The following PATZ1 variants were observed in gnomAD, a reference collection of about 807,000 sequenced individuals.
The protein encoded by PATZ1 is POZ-, AT hook-, and zinc finger-containing protein 1.
A neutral mutation model predicts 46.2 loss-of-function variants in PATZ1; 9 were observed. The ratio of observed to expected loss-of-function variants is 0.19; its 90% CI spans 0.12 to 0.34. The LOEUF (loss-of-function observed/expected upper bound fraction) is 0.34, where lower values mean the gene tolerates loss of function less well. Among genes scored for constraint, PATZ1 ranks in the 10% least tolerant of loss-of-function variants. The probability of loss-of-function intolerance (pLI) is 1.00; values close to 1 mark genes in which losing one functional copy is unlikely to be tolerated. For synonymous variants in PATZ1, 426 were observed against 378.6 expected (o/e 1.13, Z -1.45); for missense variants, 632 against 923.0 (o/e 0.68, Z 4.08).
rs1421320510 is a variant in PATZ1, at chr22:31,326,364, T to A, written c.*527A>T. 2 of 230,600 alleles carry A rather than the reference T, an allele frequency of 8.7e-6. No homozygotes were observed. Among genetic ancestry groups the A allele is most frequent in the East Asian group, 1.2e-4 (2 of 16,190 alleles). 14.3% of individuals were successfully genotyped at this position (230,600 alleles called of 1,614,324 possible). ...CAGAGGGCTGAGCTCAGGGGGCTCT[T>A]GGAGGACACTCACCCCATGGTCCAT... On this transcript the variant is annotated 3_prime_UTR_variant, in exon 5 of 5. Transcript: ENST00000266269.
intron 2 of PATZ1, chr22:31,340,629 T>C (rs563757166): frequency 9.3e-6 from 9 of 967,850 alleles, no homozygotes; most frequent in Middle Eastern, 5.0e-4. Context: ...GGGACAGTGA[T>C]GTCAGTGTTA....
chr22:31,328,751 G>T lies in PATZ1; in HGVS notation c.1645+36C>A. On this transcript the variant is annotated intron_variant, in intron 4 of 4. Transcript: ENST00000266269. The surrounding 1 kb of genome is among the most constrained non-coding windows in gnomAD (Gnocchi z 4.8). ...CCAGCGCCCCCACAACACAGTCTGC[G>T]CAGAGAAGCAAAGTGCAGAGCAAGG... The T allele has an allele frequency of 6.2e-7, 1 of 1,603,500 alleles. No homozygotes were observed. The highest frequency in any genetic ancestry group is 2.2e-5 in the East Asian group (1 of 44,830).
At chr22:31,330,651 C>T (rs2049430132) in intron 3 of PATZ1, among the ~76,000 whole-genome samples, 2 of 152,160 alleles carry the variant, frequency 1.3e-5, no homozygotes, top group South Asian at 4.1e-4. Flanking sequence ...GCCTCATGTT[C>T]CATTATTGGG....
rs896349102 is a variant in PATZ1 at position 31,326,687 on chromosome 22, T to A, written c.*204A>T. 3 of 570,004 alleles carry A rather than the reference T, an allele frequency of 5.3e-6. No homozygotes were observed. In the African/African-American group the frequency reaches 5.6e-5, roughly 11 times the overall value. 35.3% of individuals were successfully genotyped at this position (570,004 alleles called of 1,614,324 possible). On this transcript the variant is annotated 3_prime_UTR_variant, in exon 5 of 5. Coordinates refer to ENST00000266269, the MANE Select transcript of PATZ1 (RefSeq NM_014323.3). ...GTCCCATACCAAGTCTCATTGATAT[T>A]TCTGCAGAATATCAGATGAAAATCT...
intron 3 of PATZ1, among the ~76,000 whole-genome samples, chr22:31,331,343 CCT>C (rs1491209970): frequency 2.2e-5 from 3 of 133,446 alleles, no homozygotes; most frequent in African/African-American, 1.1e-4. Context: ...GTAATTTTTT[CCT>C]TTTTTTTTTT....
intron 3 of PATZ1, among the ~76,000 whole-genome samples, chr22:31,332,253 T>G (rs1391801311): frequency 1.3e-5 from 2 of 152,162 alleles, no homozygotes; most frequent in Non-Finnish European, 2.9e-5. Flanking sequence ...AAGCCTAGAA[T>G]TTAAACACAG....
Position 31,327,178 on chromosome 22 carries a change from G to A in PATZ1, c.1777C>T (p.Pro593Ser), listed in dbSNP as rs539046075. 1 of 1,614,156 alleles carries A rather than the reference G, an allele frequency of 6.2e-7. No individual in the cohort carries two copies. The highest frequency in any genetic ancestry group is 8.5e-7 in the Non-Finnish European group (1 of 1,180,026). The change falls in exon 5 of 5, where the codon CCC becomes TCC. Residue 593 changes from proline to serine, a missense_variant. Physicochemically the swap from Pro to Ser is moderately conservative, Grantham distance 74. This residue lies in a region of PATZ1 where 176 missense variants were observed against 249.4 expected (regional missense o/e 0.71). Transcript: ENST00000266269. The surrounding 1 kb of genome is among the most constrained non-coding windows in gnomAD (Gnocchi z 4.2). ...NGSFSCDMAV[P>S]KNKMESDGEK... is the part of the protein sequence containing the mutation. ...CCATCAGACTCCATTTTGTTTTTGG[G>A]GACTGCCATGTCGCAGGAGAAAGAG...
chr22:31,343,280 C>G (rs2049606257), intron 1 of PATZ1: 1 of 1,086,188 alleles, frequency 9.2e-7, no homozygotes, highest in East Asian at 6.7e-5. Context: ...TGAAACAGAG[C>G]TGCCTCACTG....
chr22:31,335,537 G>A, intron 3 of PATZ1, 155 bp downstream of exon 3: 2 of 672,408 alleles, frequency 3.0e-6, no homozygotes, highest in East Asian at 5.6e-5. Context: ...GTAGCAAATA[G>A]CTAGTTGGGT....
At chr22:31,343,508 T>C (rs2049609086) in intron 1 of PATZ1, 1 of 881,426 alleles carries the variant, frequency 1.1e-6, no homozygotes, top group African/African-American at 1.8e-5. Context: ...GCCTGACCGG[T>C]AAGACTGGTT....
rs932223081 is a variant in PATZ1 at position 31,346,103 on chromosome 22, C to T, written c.-501G>A. 2.6e-4 allele frequency: 40 copies of T among 152,432 alleles called. No homozygotes were observed. Among genetic ancestry groups the T allele is most frequent in the Non-Finnish European group, 5.0e-4 (34 of 68,570 alleles). 9.4% of individuals were successfully genotyped at this position (152,432 alleles called of 1,614,324 possible). On this transcript the variant is annotated 5_prime_UTR_variant, in exon 1 of 5. Transcript: ENST00000266269. ...GTCCCCTGCAAAGCGCGAGCCGGGG[C>T]GGGGGCGCCGGAGCGGAGGAAACAA...
chr22:31,341,144 G>A, intron 2 of PATZ1: 1 of 1,190,472 alleles, frequency 8.4e-7, no homozygotes, highest in Non-Finnish European at 1.0e-6. Context: ...AAGGACAGAT[G>A]CCCAGGGGTG....
chr22:31,330,219 A>C (rs2049422182), intron 3 of PATZ1, among the ~76,000 whole-genome samples: 1 of 152,208 alleles, frequency 6.6e-6, no homozygotes, highest in Non-Finnish European at 1.5e-5. Flanking sequence ...AGGGCCCAGC[A>C]CACCGCATGC....
At position 31,328,745 on chromosome 22, in the gene PATZ1, G is replaced by A; in HGVS notation, c.1645+42C>T. ...CCCAGCCCAGCGCCCCCACAACACA[G>A]TCTGCGCAGAGAAGCAAAGTGCAGA... On this transcript the variant is annotated intron_variant, in intron 4 of 4. Coordinates refer to ENST00000266269, the MANE Select transcript of PATZ1 (RefSeq NM_014323.3). The surrounding 1 kb of genome is among the most constrained non-coding windows in gnomAD (Gnocchi z 4.8). 6.3e-7 allele frequency: 1 copy of A among 1,599,546 alleles called. No homozygotes were observed. The highest frequency in any genetic ancestry group is 8.6e-7 in the Non-Finnish European group (1 of 1,168,660).
At chr22:31,329,033 C>T (rs1569023490) in intron 3 of PATZ1, 109 bp from the exon 4 acceptor site, 2 of 1,220,136 alleles carry the variant, frequency 1.6e-6, no homozygotes. Context: ...AGGTCAGCTG[C>T]ACCTAGAAGG....
At chr22:31,339,645 G>A (rs2049555162) in intron 2 of PATZ1, among the ~76,000 whole-genome samples, 4 of 152,194 alleles carry the variant, frequency 2.6e-5, no homozygotes, top group Admixed American at 1.3e-4. Context: ...TGTGGCACTC[G>A]GAAGAGCTGC....
At chr22:31,340,273 T>C (rs2049563627) in intron 2 of PATZ1, among the ~76,000 whole-genome samples, 1 of 152,212 alleles carries the variant, frequency 6.6e-6, no homozygotes, top group Admixed American at 6.5e-5. Context: ...CTACTTAAGC[T>C]ATGGCACTAG....
At position 31,328,855 on chromosome 22, in the gene PATZ1, G is replaced by A. The variant is rs1463746249; in HGVS notation, c.1577C>T (p.Ser526Phe). 8 of 1,613,868 alleles carry A rather than the reference G, an allele frequency of 5.0e-6. No individual in the cohort carries two copies. Among genetic ancestry groups the A allele is most frequent in the Non-Finnish European group, 6.8e-6 (8 of 1,179,908 alleles). The change falls in exon 4 of 5, where the codon TCC becomes TTC. Residue 526 changes from serine (S) to phenylalanine (F), a missense_variant. By Grantham distance (155) the Ser-to-Phe change is radical. Transcript: ENST00000266269. The surrounding 1 kb of genome is among the most constrained non-coding windows in gnomAD (Gnocchi z 4.8). ...THHGVPLPQV[S>F]RHQEPILNGG... ...ATTCAGGATGGGCTCCTGGTGCCTG[G>A]AGACCTGGGGAAGGGGAACACCGTG...
chr22:31,329,046 C>T, intron 3 of PATZ1, 122 bp from the exon 4 acceptor site: 2 of 1,045,034 alleles, frequency 1.9e-6, no homozygotes, highest in Non-Finnish European at 2.7e-6. Flanking sequence ...CTAGAAGGGG[C>T]CCCCTCCTGG....
Sources: allele counts gnomAD v4.1 joint callset (sites outside exome capture counted in the v4.1 genomes callset), GRCh38; gene constraint gnomAD v4.1.1; regional missense constraint gnomAD v4.1.1; non-coding constraint Gnocchi (gnomAD v3.1); transcripts MANE v1.5; gene names NCBI Gene and HGNC (gene_info 2026-07-23, HGNC 2026-07-21).